Variants in TMEM132D observed in about 807,000 individuals in gnomAD.
The protein encoded by TMEM132D is mature OL transmembrane protein.
TMEM132D carries 21 observed loss-of-function variants against 62.3 expected under a neutral mutation model. That is an observed-to-expected ratio of 0.34 (90% CI 0.24 to 0.49). The LOEUF (loss-of-function observed/expected upper bound fraction) is 0.49, where lower values mean the gene tolerates loss of function less well. TMEM132D is among the 20% of genes least tolerant of loss of function. TMEM132D has a pLI of 0.99. For missense variants in TMEM132D, 1,346 were observed against 1,402.8 expected, an observed-to-expected ratio of 0.96 and a Z score of 0.65; for synonymous variants, 621 against 575.6, an observed-to-expected ratio of 1.08 and a Z score of -1.13.
intron 1 of TMEM132D, among the ~76,000 whole-genome samples, chr12:129,790,071 G>A (rs926253420): frequency 6.6e-6 from 1 of 152,126 alleles, no homozygotes; most frequent in Non-Finnish European, 1.5e-5. Flanking sequence ...GACTCCACTC[G>A]CTCAGTCCCA....
At chr12:129,880,548 C>G (rs530599487) in intron 1 of TMEM132D, among the ~76,000 whole-genome samples, 2 of 152,072 alleles carry the variant, frequency 1.3e-5, no homozygotes, top group East Asian at 3.9e-4. Context: ...TTATAGCATG[C>G]CCAAAAATAA....
chr12:129,616,906 G>C (rs1878932234), intron 2 of TMEM132D, among the ~76,000 whole-genome samples: 1 of 152,224 alleles, frequency 6.6e-6, no homozygotes, highest in South Asian at 2.1e-4. Flanking sequence ...AGGAGGCTGA[G>C]TAGACAAGGA....
At chr12:129,833,822 A>T (rs1246671761) in intron 1 of TMEM132D, among the ~76,000 whole-genome samples, 33 of 152,222 alleles carry the variant, frequency 2.2e-4, no homozygotes, top group African/African-American at 7.2e-4. Flanking sequence ...GTCTACAGGA[A>T]ACTCCTCTCA....
chr12:129,507,779 T>G (rs768116673), intron 3 of TMEM132D, among the ~76,000 whole-genome samples: 3 of 152,046 alleles, frequency 2.0e-5, no homozygotes, highest in Non-Finnish European at 4.4e-5. Flanking sequence ...GGTTGATGGG[T>G]GCACCAAAAT....
At chr12:129,077,571 T>TAC (rs1323060622) in intron 8 of TMEM132D, among the ~76,000 whole-genome samples, 2 of 149,566 alleles carry the variant, frequency 1.3e-5, no homozygotes, top group African/African-American at 5.1e-5. Context: ...ACAACACACA[T>TAC]ACACATATAC....
chr12:129,353,837 C>T (rs987102964), intron 3 of TMEM132D, among the ~76,000 whole-genome samples: 1 of 151,792 alleles, frequency 6.6e-6, no homozygotes, highest in African/African-American at 2.4e-5. Context: ...CCTCTACATA[C>T]AGCTCAAACA....
At chr12:129,359,236 CAG>C (rs1870171271) in intron 3 of TMEM132D, among the ~76,000 whole-genome samples, 1 of 151,982 alleles carries the variant, frequency 6.6e-6, no homozygotes, top group Non-Finnish European at 1.5e-5. Flanking sequence ...TCCATAGAGA[CAG>C]AAAGTATATT....
chr12:129,654,130 T>C (rs1014982128), intron 2 of TMEM132D, among the ~76,000 whole-genome samples: 1 of 152,194 alleles, frequency 6.6e-6, no homozygotes, highest in Non-Finnish European at 1.5e-5. Flanking sequence ...AGGAAGACCA[T>C]AGATGTGAAG....
chr12:129,115,312 T>C (rs2135649454), intron 5 of TMEM132D, among the ~76,000 whole-genome samples: 1 of 152,348 alleles, frequency 6.6e-6, no homozygotes, highest in Admixed American at 6.5e-5. Flanking sequence ...ATTATCCTCC[T>C]GGACGATGCA....
At position 129,244,398 on chromosome 12, in the gene TMEM132D, A is replaced by ACC. The variant is rs1323686880; in HGVS notation, c.1300-34736_1300-34735insGG. 1.3e-5 allele frequency among the ~76,000 whole-genome samples: 2 copies of ACC among 149,418 alleles called. 1 individual carries two copies. The highest frequency in any genetic ancestry group is 3.0e-5 in the Non-Finnish European group (2 of 67,422). ...GAGACTCTGTCTCAAAAAAAAAAAA[A>ACC]AAAAAAAAAAACAAACAAAAAGGAA... is the stretch of plus-strand genomic sequence containing the variant. On this transcript the variant is annotated intron_variant, in intron 4 of 8. Coordinates refer to ENST00000422113, the MANE Select transcript of TMEM132D (RefSeq NM_133448.3).
At chr12:129,689,300 C>T (rs1434159134) in intron 2 of TMEM132D, among the ~76,000 whole-genome samples, 1 of 152,106 alleles carries the variant, frequency 6.6e-6, no homozygotes, top group Non-Finnish European at 1.5e-5. Context: ...CACCTTGATT[C>T]CTGATCAGAT....
intron 1 of TMEM132D, among the ~76,000 whole-genome samples, chr12:129,718,784 C>A (rs1054430197): frequency 6.6e-6 from 1 of 152,154 alleles, no homozygotes; most frequent in African/African-American, 2.4e-5. Context: ...CCATTTTTAT[C>A]CTCAATTTCT....
intron 3 of TMEM132D, among the ~76,000 whole-genome samples, chr12:129,482,770 T>C (rs1874465435): frequency 6.8e-6 from 1 of 146,646 alleles, no homozygotes; most frequent in African/African-American, 2.6e-5. Flanking sequence ...TACAACATCT[T>C]TTTTTTTTTG....
intron 3 of TMEM132D, among the ~76,000 whole-genome samples, chr12:129,357,708 G>A (rs977089987): frequency 2.0e-5 from 3 of 152,120 alleles, no homozygotes; most frequent in African/African-American, 7.2e-5. Context: ...GAGTGATGTG[G>A]CAAGGAGGCC....
At chr12:129,077,306 A>C (rs1287573086) in intron 8 of TMEM132D, among the ~76,000 whole-genome samples, 3 of 151,994 alleles carry the variant, frequency 2.0e-5, no homozygotes, top group Non-Finnish European at 4.4e-5. Flanking sequence ...CAGTCAGAAC[A>C]ATGTCCCATA....
intron 1 of TMEM132D, among the ~76,000 whole-genome samples, chr12:129,738,725 C>T (rs539398020): frequency 6.6e-6 from 1 of 152,224 alleles, no homozygotes; most frequent in South Asian, 2.1e-4. Context: ...TAACAAAAGG[C>T]GGCCCAGGAC....
At chr12:129,532,738 C>A (rs768368847) in intron 2 of TMEM132D, among the ~76,000 whole-genome samples, 11 of 152,118 alleles carry the variant, frequency 7.2e-5, no homozygotes, top group Non-Finnish European at 1.6e-4. Context: ...AATTTTGGTA[C>A]GTGCCAGGCA....
intron 1 of TMEM132D, among the ~76,000 whole-genome samples, chr12:129,743,685 G>A (rs1203711966): frequency 6.6e-6 from 1 of 152,162 alleles, no homozygotes; most frequent in South Asian, 2.1e-4. Context: ...CATGGTGAGA[G>A]GGACTCTGCA....
chr12:129,791,554 A>T (rs1871401385), intron 1 of TMEM132D, among the ~76,000 whole-genome samples: 1 of 152,132 alleles, frequency 6.6e-6, no homozygotes, highest in Non-Finnish European at 1.5e-5. Flanking sequence ...ATCGCCTTGA[A>T]TTCTGACCAC....
Sources: gnomAD v4.1 joint callset for allele counts (sites outside exome capture counted in the v4.1 genomes callset) on GRCh38, gnomAD v4.1.1 for gene constraint, MANE v1.5 for transcripts, NCBI Gene and HGNC (gene_info 2026-07-23, HGNC 2026-07-21) for gene names.